Variants in NTN1 observed in about 807,000 individuals in gnomAD.
NTN1 encodes the protein netrin-1.
Under a neutral mutation model 54.2 loss-of-function variants are expected in NTN1, and 11 were observed. The ratio of observed to expected loss-of-function variants is 0.20; its 90% CI spans 0.13 to 0.34. The LOEUF (loss-of-function observed/expected upper bound fraction) is 0.34. NTN1 is among the 10% of genes least tolerant of loss of function. The pLI is 1.00. For synonymous variants in NTN1, 371 were observed against 382.0 expected, an observed-to-expected ratio of 0.97 and a Z score of 0.33; for missense variants, 740 against 893.1, an observed-to-expected ratio of 0.83 and a Z score of 2.18.
intron 6 of NTN1, among the ~76,000 whole-genome samples, chr17:9,237,060 T>G (rs927281385): frequency 1.3e-5 from 2 of 152,204 alleles, no homozygotes; most frequent in Non-Finnish European, 2.9e-5. Context: ...CCCTTCTGCC[T>G]GGCCCTGAGC....
chr17:9,103,731 A>G (rs1368325343), intron 2 of NTN1, among the ~76,000 whole-genome samples: 1 of 152,114 alleles, frequency 6.6e-6, no homozygotes, highest in Non-Finnish European at 1.5e-5. Context: ...ATTCTCACAC[A>G]TGCTACAACT....
At chr17:9,189,354 T>C (rs1904388988) in intron 5 of NTN1, among the ~76,000 whole-genome samples, 3 of 152,064 alleles carry the variant, frequency 2.0e-5, no homozygotes, top group African/African-American at 7.2e-5. Context: ...GAAGTTATGT[T>C]TTTGTTTGTT....
chr17:9,226,785 C>T (rs945803954), intron 6 of NTN1, among the ~76,000 whole-genome samples: 1 of 152,090 alleles, frequency 6.6e-6, no homozygotes, highest in Non-Finnish European at 1.5e-5. Flanking sequence ...GGCGAGTGAG[C>T]GTGGGTGTGT....
intron 2 of NTN1, among the ~76,000 whole-genome samples, chr17:9,041,738 G>C (rs1353007008): frequency 6.6e-6 from 1 of 152,158 alleles, no homozygotes; most frequent in Non-Finnish European, 1.5e-5. Flanking sequence ...TCCAGGTGCG[G>C]TGGCTCATGC....
chr17:9,179,407 C>T (rs952725744), intron 3 of NTN1, among the ~76,000 whole-genome samples: 15 of 152,174 alleles, frequency 9.9e-5, no homozygotes, highest in Non-Finnish European at 1.5e-4. Flanking sequence ...TGGTTGAGGA[C>T]AGAGTGAAAA....
intron 5 of NTN1, among the ~76,000 whole-genome samples, chr17:9,206,602 A>G (rs1904975613): frequency 6.6e-6 from 1 of 152,156 alleles, no homozygotes; most frequent in Admixed American, 6.5e-5. Context: ...GGCAGGAATG[A>G]CACGGGATGG....
At chr17:9,151,433 C>T (rs1318324282) in intron 2 of NTN1, among the ~76,000 whole-genome samples, 4 of 152,160 alleles carry the variant, frequency 2.6e-5, no homozygotes, top group Admixed American at 1.3e-4. Context: ...TCCAGCCTCC[C>T]GTCCCACTCT....
At chr17:9,097,629 C>CA (rs1254800091) in intron 2 of NTN1, among the ~76,000 whole-genome samples, 5 of 151,190 alleles carry the variant, frequency 3.3e-5, no homozygotes, top group African/African-American at 4.8e-5. Context: ...CCTCAAAAAA[C>CA]AAAAAAAGAA....
chr17:9,017,641 C>T (rs934814844), upstream of NTN1, among the ~76,000 whole-genome samples: 2 of 152,236 alleles, frequency 1.3e-5, no homozygotes, highest in East Asian at 1.9e-4. Context: ...CGCCTCTCAA[C>T]GCATTCCTTG....
chr17:9,228,973 C>T (rs12937065), intron 6 of NTN1, among the ~76,000 whole-genome samples: 67,521 of 150,572 alleles, frequency 0.45, 16,050 homozygotes, highest in East Asian at 0.6. Flanking sequence ...ATTGTGTTTA[C>T]GACTGAGACT....
intron 2 of NTN1, among the ~76,000 whole-genome samples, chr17:9,131,704 C>G (rs970811158): frequency 1.3e-5 from 2 of 152,076 alleles, no homozygotes; most frequent in African/African-American, 4.8e-5. Flanking sequence ...CCTCAGCCTC[C>G]CAAGTAACTG....
At chr17:9,089,346 C>T (rs539830789) in intron 2 of NTN1, among the ~76,000 whole-genome samples, 16 of 151,240 alleles carry the variant, frequency 1.1e-4, no homozygotes, top group African/African-American at 3.9e-4. Flanking sequence ...ACCCGGGAGG[C>T]GGAGGTTGCA....
At chr17:9,033,591 G>A (rs1273626294) in intron 2 of NTN1, among the ~76,000 whole-genome samples, 1 of 148,436 alleles carries the variant, frequency 6.7e-6, no homozygotes, top group Non-Finnish European at 1.5e-5. Context: ...GGGCAGCATA[G>A]CGAGACTGCC....
intron 2 of NTN1, among the ~76,000 whole-genome samples, chr17:9,067,603 T>A (rs1453501471): frequency 6.6e-6 from 1 of 152,232 alleles, no homozygotes; most frequent in Non-Finnish European, 1.5e-5. Context: ...CTTACAGAAT[T>A]AAGTCCAAAC....
At chr17:9,018,414 T>G (rs1302135194), upstream of NTN1, among the ~76,000 whole-genome samples, 2 of 151,936 alleles carry the variant, frequency 1.3e-5, no homozygotes, top group African/African-American at 4.8e-5. Context: ...GGCAGATCAC[T>G]TGAGGTCAGG....
At chr17:9,236,535 C>T (rs1905997467) in intron 6 of NTN1, among the ~76,000 whole-genome samples, 1 of 152,194 alleles carries the variant, frequency 6.6e-6, no homozygotes, top group South Asian at 2.1e-4. Context: ...GAGGTGTTGC[C>T]AAGGGCAGCG....
At chr17:9,216,347 A>G (rs950097049) in intron 5 of NTN1, among the ~76,000 whole-genome samples, 1 of 152,054 alleles carries the variant, frequency 6.6e-6, no homozygotes, top group Non-Finnish European at 1.5e-5. Flanking sequence ...GCTCAGTTTA[A>G]TCTCCCTTAC....
chr17:9,115,408 A>G (rs1386121111), intron 2 of NTN1, among the ~76,000 whole-genome samples: 1 of 152,186 alleles, frequency 6.6e-6, no homozygotes, highest in Non-Finnish European at 1.5e-5. Flanking sequence ...TCTCCTGCTC[A>G]CCAGTTAAAG....
rs550883489 is a variant in NTN1, at chr17:9,031,986, A to T, written c.1018+8595A>T. On this transcript the variant is annotated intron_variant, in intron 2 of 6. Transcript: ENST00000173229. ...ACAAACAAAAAAAGAAGATAAAAAAAAAAAAGAAAAGAAATGTAAAGTGGA... is the reference window on the plus strand; with the variant it reads ...ACAAACAAAAAAAGAAGATAAAAAATAAAAAGAAAAGAAATGTAAAGTGGA... Among the ~76,000 whole-genome samples the T allele has an allele frequency of 3.3e-5, 5 of 152,080 alleles. No homozygotes were observed. The East Asian group carries it at 9.6e-4, about 29-fold the overall frequency.
Sources: allele counts gnomAD v4.1 joint callset (sites outside exome capture counted in the v4.1 genomes callset), GRCh38; gene constraint gnomAD v4.1.1; transcripts MANE v1.5; gene names NCBI Gene and HGNC (gene_info 2026-07-23, HGNC 2026-07-21).